The following ARID5B variants were observed in gnomAD, a reference collection of about 807,000 sequenced individuals.
The protein encoded by ARID5B is AT-rich interaction domain 5B.
Under a neutral mutation model 97.2 loss-of-function variants are expected in ARID5B, and 13 were observed. That is an observed-to-expected ratio of 0.13 (90% CI 0.09 to 0.21). ARID5B has a LOEUF of 0.21. Among genes scored for constraint, ARID5B ranks in the 10% least tolerant of loss-of-function variants. The probability of loss-of-function intolerance (pLI) is 1.00; values close to 1 mark genes in which losing one functional copy is unlikely to be tolerated. For missense variants in ARID5B, 1,210 were observed against 1,465.3 expected (o/e 0.83, Z 2.84); for synonymous variants, 556 against 570.3 (o/e 0.97, Z 0.36).
At chr10:61,992,706 G>GT (rs138278865) in intron 3 of ARID5B, among the ~76,000 whole-genome samples, 36 of 151,402 alleles carry the variant, frequency 2.4e-4, no homozygotes, top group African/African-American at 6.5e-4. Context: ...ATTTAAAGTA[G>GT]TTTTTTTTTA....
At chr10:61,983,803 T>C (rs1342253970) in intron 3 of ARID5B, among the ~76,000 whole-genome samples, 1 of 151,956 alleles carries the variant, frequency 6.6e-6, no homozygotes, top group African/African-American at 2.4e-5. Context: ...ACTTGATGTA[T>C]CCATTTTTCT....
chr10:61,976,858 C>CTTTTTTTTTTTTT (rs11332367), intron 3 of ARID5B, among the ~76,000 whole-genome samples: 2 of 145,252 alleles, frequency 1.4e-5, no homozygotes, highest in African/African-American at 2.5e-5. Context: ...AACTTTCTTT[C>CTTTTTTTTTTTTT]TTTTTTTTTT....
intron 2 of ARID5B, among the ~76,000 whole-genome samples, chr10:61,926,808 T>C (rs1015625597): frequency 1.3e-5 from 2 of 151,988 alleles, no homozygotes; most frequent in Non-Finnish European, 2.9e-5. Context: ...GTATTTTTAA[T>C]AGAGATGGGG....
chr10:62,096,897 C>A lies in ARID5B; in HGVS notation c.*3867C>A, dbSNP rs745547588. On this transcript the variant is annotated 3_prime_UTR_variant, in exon 10 of 10. Transcript: ENST00000279873. ...CATAGCAGGCAAGAGATATTTTGTA[C>A]TTTTTGATCCACTGTAATATTTAAT... The A allele has an allele frequency of 8.6e-6, 2 of 233,150 alleles. No homozygotes were observed. The highest frequency in any genetic ancestry group is 1.7e-5 in the Non-Finnish European group (2 of 117,840). 14.4% of individuals were successfully genotyped at this position (233,150 alleles called of 1,614,324 possible). A position where few individuals can be genotyped will look rare whatever the true frequency, so the allele number is the denominator to read the frequency against.
intron 4 of ARID5B, among the ~76,000 whole-genome samples, chr10:62,031,313 G>A (rs1370432282): frequency 6.6e-6 from 1 of 152,208 alleles, no homozygotes; most frequent in Non-Finnish European, 1.5e-5. Context: ...AGACAAAGAG[G>A]AAGAAAAGTC....
intron 2 of ARID5B, among the ~76,000 whole-genome samples, chr10:61,936,468 A>G (rs1232085478): frequency 6.6e-6 from 1 of 152,202 alleles, no homozygotes; most frequent in Non-Finnish European, 1.5e-5. Flanking sequence ...AAGTACAAAG[A>G]TTAGCCAGGC....
chr10:62,051,696 CTTTATA>C (rs978933060), intron 5 of ARID5B, among the ~76,000 whole-genome samples: 1 of 152,184 alleles, frequency 6.6e-6, no homozygotes, highest in African/African-American at 2.4e-5. Flanking sequence ...TAAAGTATCA[CTTTATA>C]TTTTTAGACT....
At chr10:62,078,478 G>T (rs1243451674) in intron 8 of ARID5B, among the ~76,000 whole-genome samples, 1 of 152,096 alleles carries the variant, frequency 6.6e-6, no homozygotes, top group Non-Finnish European at 1.5e-5. Context: ...AACAGTATTG[G>T]GTTTATTATT....
In ARID5B at chr10:62,000,388, T is replaced by C; in HGVS notation, c.733+67T>C. 1 of 1,403,330 alleles carries C rather than the reference T, an allele frequency of 7.1e-7. No individual in the cohort carries two copies. The highest frequency in any genetic ancestry group is 9.7e-7 in the Non-Finnish European group (1 of 1,030,004). The allele number at this position is 1,403,330 out of a possible 1,614,324, so 86.9% of individuals were successfully genotyped here. On this transcript the variant is annotated intron_variant, in intron 4 of 9. Coordinates refer to ENST00000279873, the MANE Select transcript of ARID5B (RefSeq NM_032199.3). The surrounding 1 kb of genome is among the most constrained non-coding windows in gnomAD (Gnocchi z 4.4). ...TGTGCCTAGTTGTTTTCAGTTCTTC[T>C]GAAGAGCGGTGATGGGGAACGGGGC... is the stretch of plus-strand genomic sequence containing the variant.
intron 5 of ARID5B, among the ~76,000 whole-genome samples, chr10:62,056,495 T>C (rs1365607193): frequency 2.0e-5 from 3 of 152,154 alleles, no homozygotes; most frequent in Non-Finnish European, 2.9e-5. Context: ...TTTTTCAAGG[T>C]TGCTGGAGAG....
chr10:61,929,847 T>A (rs1844172973), intron 2 of ARID5B, among the ~76,000 whole-genome samples: 2 of 152,332 alleles, frequency 1.3e-5, no homozygotes, highest in South Asian at 4.1e-4. Context: ...TTTAGCAGTT[T>A]ATTATTAGAA....
chr10:62,042,914 C>CAA (rs34887438), intron 4 of ARID5B, among the ~76,000 whole-genome samples: 1,433 of 121,248 alleles, frequency 0.012, 20 homozygotes, highest in Middle Eastern at 0.017. Context: ...GAGTCTGTCC[C>CAA]AAAAAAAAAA....
In ARID5B at chr10:61,986,495, G is replaced by A. The variant is rs538422685; in HGVS notation, c.503-13596G>A. On this transcript the variant is annotated intron_variant, in intron 3 of 9. Transcript: ENST00000279873. ...CGGGTGTGTTATGTCCCCAAAATGT[G>A]ATCAGGGAAACACTAACTTGTTGAG... Among the ~76,000 whole-genome samples, 3 of 152,270 alleles carry A rather than the reference G, an allele frequency of 2.0e-5. No homozygotes were observed. In the East Asian group the frequency reaches 5.8e-4, roughly 29 times the overall value.
chr10:62,002,309 G>C (rs775316203), intron 4 of ARID5B, among the ~76,000 whole-genome samples: 47 of 152,066 alleles, frequency 3.1e-4, no homozygotes, highest in Non-Finnish European at 6.0e-4. Flanking sequence ...TCTGACTTTT[G>C]AATGTTTTCC....
chr10:62,012,578 C>T (rs1477264510), intron 4 of ARID5B, among the ~76,000 whole-genome samples: 1 of 152,098 alleles, frequency 6.6e-6, no homozygotes, highest in Non-Finnish European at 1.5e-5. Context: ...AGTCACAAAA[C>T]TAGTAAGTGG....
At chr10:61,902,455 T>C (rs1843632580) in intron 2 of ARID5B, 42 bp downstream of exon 2, 1 of 1,605,026 alleles carries the variant, frequency 6.2e-7, no homozygotes, top group Non-Finnish European at 8.5e-7. Context: ...TTTATTATTT[T>C]TCCCCCTAGT....
chr10:62,003,389 G>T (rs145940430), intron 4 of ARID5B, among the ~76,000 whole-genome samples: 354 of 152,270 alleles, frequency 2.3e-3, no homozygotes, highest in African/African-American at 8.3e-3. Context: ...GGAAAGCCTC[G>T]TGAAAAAGGC....
At chr10:61,929,841 G>T (rs1195514080) in intron 2 of ARID5B, among the ~76,000 whole-genome samples, 1 of 152,222 alleles carries the variant, frequency 6.6e-6, no homozygotes, top group Non-Finnish European at 1.5e-5. Flanking sequence ...CAGCAATTTA[G>T]CAGTTTATTA....
At chr10:61,976,815 G>A (rs1838705813) in intron 3 of ARID5B, among the ~76,000 whole-genome samples, 1 of 151,144 alleles carries the variant, frequency 6.6e-6, no homozygotes, top group Admixed American at 6.6e-5. Context: ...TCCATTTTGA[G>A]TTATCCAAAT....
Sources: gnomAD v4.1 joint callset for allele counts (sites outside exome capture counted in the v4.1 genomes callset) on GRCh38, gnomAD v4.1.1 for gene constraint, Gnocchi (gnomAD v3.1) non-coding constraint, MANE v1.5 for transcripts, NCBI Gene and HGNC (gene_info 2026-07-23, HGNC 2026-07-21) for gene names.